Variants in RUNX1 observed in about 807,000 individuals in gnomAD.
RUNX1 encodes the protein runt-related transcription factor 1.
RUNX1 carries 19 observed loss-of-function variants against 42.8 expected under a neutral mutation model. The ratio of observed to expected loss-of-function variants is 0.44; its 90% confidence interval spans 0.31 to 0.65. The LOEUF (loss-of-function observed/expected upper bound fraction) is 0.65. Among genes scored for constraint, RUNX1 ranks in the 30% least tolerant of loss-of-function variants. The pLI is 0.07. For synonymous variants in RUNX1, 271 were observed against 289.4 expected (o/e 0.94, Z 0.64); for missense variants, 528 against 672.0 (o/e 0.79, Z 2.37).
Position 34,880,553 on chromosome 21 carries a change from G to T in RUNX1, c.508+4C>A, listed in dbSNP as rs770788424. On this transcript the variant is annotated splice_donor_region_variant and intron_variant, in intron 5 of 8. Coordinates refer to ENST00000675419, the MANE Select transcript of RUNX1 (RefSeq NM_001754.5). ...TTCAAGCATAGTTTTGACAGATAACGTACCTCTTCCACTTCGACCGACAAA... is the reference window on the plus strand; with the variant it reads ...TTCAAGCATAGTTTTGACAGATAACTTACCTCTTCCACTTCGACCGACAAA... 1.2e-6 allele frequency: 2 copies of T among 1,613,882 alleles called. No homozygotes were observed. Among genetic ancestry groups the T allele is most frequent in the African/African-American group, 1.3e-5 (1 of 75,010 alleles).
intron 2 of RUNX1, among the ~76,000 whole-genome samples, chr21:34,993,610 GGCACACACACAGACACACACACAGA>G (rs2058965438): frequency 2.0e-5 from 1 of 49,040 alleles, no homozygotes; most frequent in African/African-American, 9.7e-5. Flanking sequence ...GGCACACACA[GGCACACACACAGACACACACACAGA>G]CACACACAGG....
chr21:34,850,938 G>A (rs2057409335), intron 6 of RUNX1, among the ~76,000 whole-genome samples: 2 of 152,162 alleles, frequency 1.3e-5, no homozygotes, highest in Admixed American at 1.3e-4. Context: ...TTTTGAGTAT[G>A]TATTGTGTGC....
chr21:34,873,068 C>T (rs1222274841), intron 5 of RUNX1, among the ~76,000 whole-genome samples: 2 of 152,144 alleles, frequency 1.3e-5, no homozygotes, highest in Non-Finnish European at 2.9e-5. Context: ...GTTAGACTAG[C>T]TCCTTACTAA....
At chr21:34,864,241 AATTCCCTCATTGAAATGACCTAT>A (rs2057623394) in intron 5 of RUNX1, among the ~76,000 whole-genome samples, 2 of 152,218 alleles carry the variant, frequency 1.3e-5, no homozygotes, top group South Asian at 4.1e-4. Context: ...TTATGAGCCA[AATTCCCTCATTGAAATGACCTAT>A]AGGCCTGGTA....
intron 1 of RUNX1, 38 bp downstream of exon 1, chr21:35,049,130 A>G (rs1336028820): frequency 6.0e-6 from 3 of 498,774 alleles, no homozygotes; most frequent in Admixed American, 3.4e-5. Flanking sequence ...AAAAAAAAAA[A>G]GCCAGCGCCG....
rs531856839 is a variant in RUNX1 at position 34,845,075 on chromosome 21, C to G, written c.614-10474G>C. 1.6e-4 allele frequency among the ~76,000 whole-genome samples: 24 copies of G among 152,348 alleles called. 1 individual carries two copies. The South Asian group carries it at 5.0e-3, about 32-fold the overall frequency. ...GTTGTCCACGTGCCAGAAGCAGCCA[C>G]CTGCTGAGAAGGGCATCTGTGAGGA... On this transcript the variant is annotated intron_variant, in intron 6 of 8. Coordinates refer to ENST00000675419, the MANE Select transcript of RUNX1 (RefSeq NM_001754.5).
intron 2 of RUNX1, among the ~76,000 whole-genome samples, chr21:35,044,043 A>G (rs1207675758): frequency 6.6e-6 from 1 of 152,216 alleles, no homozygotes; most frequent in Non-Finnish European, 1.5e-5. Context: ...TCCTGCCCCA[A>G]CTAGCCTCCA....
chr21:34,899,167 G>A (rs115147538), intron 2 of RUNX1, among the ~76,000 whole-genome samples: 263 of 152,274 alleles, frequency 1.7e-3, no homozygotes, highest in African/African-American at 6.1e-3. Flanking sequence ...GCCCACCTCG[G>A]CCTCATAAAG....
Position 34,843,144 on chromosome 21 carries a change from A to G in RUNX1, c.614-8543T>C, listed in dbSNP as rs113562344. On this transcript the variant is annotated intron_variant, in intron 6 of 8. Transcript: ENST00000675419. This position sits in a 1 kb window ranked among gnomAD's most constrained non-coding sequence, Gnocchi z 4.8. ...AACACACATACAGACACACATGGAC[A>G]TATACACACAAACACAGGCATGCAT... is the stretch of plus-strand genomic sequence containing the variant. Among the ~76,000 whole-genome samples, 4 of 152,312 alleles carry G rather than the reference A, an allele frequency of 2.6e-5. 1 individual carries two copies. Among genetic ancestry groups the G allele is most frequent in the African/African-American group, 9.6e-5 (4 of 41,562 alleles).
chr21:35,024,581 C>A (rs2059222406), intron 2 of RUNX1, among the ~76,000 whole-genome samples: 2 of 152,230 alleles, frequency 1.3e-5, no homozygotes. Context: ...TGCATCCCAT[C>A]CTTTTAACTT....
At chr21:34,991,683 G>C (rs2058941837) in intron 2 of RUNX1, among the ~76,000 whole-genome samples, 1 of 152,172 alleles carries the variant, frequency 6.6e-6, no homozygotes, top group South Asian at 2.1e-4. Context: ...TAGGGGAACG[G>C]CTCCCACGTC....
intron 2 of RUNX1, among the ~76,000 whole-genome samples, chr21:34,966,850 C>T (rs566789930): frequency 7.7e-4 from 117 of 152,170 alleles, no homozygotes; most frequent in Non-Finnish European, 1.3e-3. Context: ...ATGGAGGCTA[C>T]AAACGAGAGA....
intron 2 of RUNX1, among the ~76,000 whole-genome samples, chr21:34,980,653 G>A (rs760175143): frequency 4.0e-4 from 60 of 151,804 alleles, no homozygotes; most frequent in Non-Finnish European, 3.8e-4. Context: ...CATTACTGAC[G>A]GAAAGTGAAG....
intron 2 of RUNX1, among the ~76,000 whole-genome samples, chr21:34,921,630 T>A (rs1449921044): frequency 1.3e-4 from 10 of 75,002 alleles, no homozygotes; most frequent in Non-Finnish European, 3.8e-5. Context: ...TCTATTGACA[T>A]AATCATTTTT....
intron 2 of RUNX1, among the ~76,000 whole-genome samples, chr21:35,009,448 G>A (rs1210935247): frequency 2.6e-5 from 4 of 152,108 alleles, no homozygotes; most frequent in Non-Finnish European, 4.4e-5. Context: ...ATGAAGTTTG[G>A]GCGGATTCTC....
chr21:34,847,506 ATTATAT>A (rs1413601632), intron 6 of RUNX1, among the ~76,000 whole-genome samples: 1 of 152,080 alleles, frequency 6.6e-6, no homozygotes, highest in Non-Finnish European at 1.5e-5. Flanking sequence ...TAATTATCTA[ATTATAT>A]TTATATTATC....
chr21:34,820,020 A>C (rs1245543875), intron 7 of RUNX1, among the ~76,000 whole-genome samples: 1 of 152,226 alleles, frequency 6.6e-6, no homozygotes, highest in Non-Finnish European at 1.5e-5. Context: ...AAAAACACCA[A>C]AGAGGCTGAC....
At chr21:34,851,369 G>A (rs1053011955) in intron 6 of RUNX1, among the ~76,000 whole-genome samples, 1 of 152,146 alleles carries the variant, frequency 6.6e-6, no homozygotes, top group Non-Finnish European at 1.5e-5. Context: ...ACCATATTTT[G>A]TTACCCTTTT....
rs1220171148 is a variant in RUNX1 at position 34,859,571 on chromosome 21, G to A, written c.516C>T (p.Ser172=). 1 of 1,613,700 alleles carries A rather than the reference G, an allele frequency of 6.2e-7. No homozygotes were observed. The highest frequency in any genetic ancestry group is 8.5e-7 in the Non-Finnish European group (1 of 1,179,544). Residue 172 remains serine, a synonymous_variant, in exon 6 of 9, where the codon AGC becomes AGT. Transcript: ENST00000675419. ...TGAAGACAGTGATGGTCAGAGTGAAGCTTTTCCCTGTGGGGACACGATAGA... is the reference window on the plus strand; with the variant it reads ...TGAAGACAGTGATGGTCAGAGTGAAACTTTTCCCTGTGGGGACACGATAGA... ...RFVGRSGRGK[S]FTLTITVFTN...
Sources: gnomAD v4.1 joint callset for allele counts (sites outside exome capture counted in the v4.1 genomes callset) on GRCh38, gnomAD v4.1.1 for gene constraint, Gnocchi (gnomAD v3.1) non-coding constraint, MANE v1.5 for transcripts, NCBI Gene and HGNC (gene_info 2026-07-23, HGNC 2026-07-21) for gene names.